Variants in CRTC3 observed in about 807,000 individuals in gnomAD.
The protein encoded by CRTC3 is CREB-regulated transcription coactivator 3.
Under a neutral mutation model 74.5 loss-of-function variants are expected in CRTC3, and 26 were observed. The ratio of observed to expected loss-of-function variants is 0.35; its 90% CI spans 0.26 to 0.48. CRTC3 has a LOEUF of 0.48. CRTC3 is among the 20% of genes least tolerant of loss of function. The pLI is 0.99. For missense variants in CRTC3, 760 were observed against 787.3 expected (o/e 0.97, Z 0.41); for synonymous variants, 377 against 325.8 (o/e 1.16, Z -1.69).
At chr15:90,540,809 A>G (rs1012567192) in intron 2 of CRTC3, among the ~76,000 whole-genome samples, 17 of 152,158 alleles carry the variant, frequency 1.1e-4, no homozygotes, top group South Asian at 2.1e-4. Context: ...ATTTAATCCA[A>G]TATATCCAAA....
In CRTC3 at chr15:90,612,037, T is replaced by TCCG. The variant is rs1567184074; in HGVS notation, c.578-2414_578-2413insGCC. 2.6e-5 allele frequency among the ~76,000 whole-genome samples: 3 copies of TCCG among 117,200 alleles called. No individual in the cohort carries two copies. In the East Asian group the frequency reaches 8.7e-4, roughly 34 times the overall value. The allele number at this position is 117,200 out of a possible 152,430, so 76.9% of individuals were successfully genotyped here. On this transcript the variant is annotated intron_variant, in intron 6 of 14. Coordinates refer to ENST00000268184, the MANE Select transcript of CRTC3 (RefSeq NM_022769.5). The stretch of plus-strand genomic sequence containing the variant: ...CCCAACCACCCCCCACTCCTCCTCC[T>TCCG]CCTCCTCCTCCTCCTCCTCCGCCTC...
intron 9 of CRTC3, among the ~76,000 whole-genome samples, chr15:90,621,005 T>C (rs78299792): frequency 0.021 from 3,215 of 152,226 alleles, 125 homozygotes; most frequent in African/African-American, 0.073. Context: ...GGTTGATGTT[T>C]GCTTCAGAAA....
chr15:90,603,468 A>G (rs1043114799), intron 4 of CRTC3, among the ~76,000 whole-genome samples: 1 of 152,136 alleles, frequency 6.6e-6, no homozygotes, highest in Non-Finnish European at 1.5e-5. Context: ...AAAAATAAGC[A>G]TCTTTTCTCA....
chr15:90,597,693 C>A (rs1163793301), intron 3 of CRTC3: 4 of 152,172 alleles, frequency 2.6e-5, no homozygotes, highest in Non-Finnish European at 5.9e-5. Context: ...CTTAAGTGAT[C>A]ACAAAATCCA....
chr15:90,587,085 G>A (rs1967682441), intron 2 of CRTC3, among the ~76,000 whole-genome samples: 1 of 152,070 alleles, frequency 6.6e-6, no homozygotes, highest in African/African-American at 2.4e-5. Flanking sequence ...TGCAAATGTA[G>A]GTCACATTGA....
At chr15:90,589,558 CTGTGT>C (rs369924321) in intron 2 of CRTC3, among the ~76,000 whole-genome samples, 38 of 152,322 alleles carry the variant, frequency 2.5e-4, no homozygotes, top group African/African-American at 9.1e-4. Context: ...GGGTCTCACA[CTGTGT>C]TGTCCAGGCT....
intron 7 of CRTC3, among the ~76,000 whole-genome samples, chr15:90,616,409 A>T (rs547779766): frequency 1.1e-4 from 16 of 152,228 alleles, no homozygotes; most frequent in Non-Finnish European, 2.2e-4. Context: ...AGATAAACTT[A>T]TTTTAGAGTT....
chr15:90,602,058 G>A (rs1968084238), intron 3 of CRTC3, among the ~76,000 whole-genome samples: 1 of 152,132 alleles, frequency 6.6e-6, no homozygotes, highest in African/African-American at 2.4e-5. Flanking sequence ...GAGCAAGAGT[G>A]GAGACAGTTC....
chr15:90,631,600 C>T (rs987816218), intron 11 of CRTC3, among the ~76,000 whole-genome samples: 5 of 151,834 alleles, frequency 3.3e-5, no homozygotes, highest in East Asian at 1.9e-4. Flanking sequence ...TGGTGGCACA[C>T]GCCTGTAATC....
intron 1 of CRTC3, among the ~76,000 whole-genome samples, chr15:90,535,190 C>T (rs1966698775): frequency 6.6e-6 from 1 of 151,086 alleles, no homozygotes; most frequent in Admixed American, 6.6e-5. Context: ...AGAAAGTGAA[C>T]CATGAGGAGG....
At chr15:90,592,687 C>A (rs1967828296) in intron 2 of CRTC3, among the ~76,000 whole-genome samples, 1 of 152,284 alleles carries the variant, frequency 6.6e-6, no homozygotes, top group Middle Eastern at 3.4e-3. Flanking sequence ...ACATAGCATT[C>A]CTTTTTTCCT....
intron 11 of CRTC3, among the ~76,000 whole-genome samples, chr15:90,637,373 G>A (rs1969277774): frequency 6.6e-6 from 1 of 152,154 alleles, no homozygotes; most frequent in Non-Finnish European, 1.5e-5. Context: ...ATGGACACAG[G>A]AAGGGGAACA....
intron 9 of CRTC3, among the ~76,000 whole-genome samples, chr15:90,623,779 C>G: frequency 6.6e-6 from 1 of 152,216 alleles, no homozygotes; most frequent in African/African-American, 2.4e-5. Context: ...CTCGGGTGCT[C>G]TCTACCTGCT....
At chr15:90,542,264 C>T (rs1966815540) in intron 2 of CRTC3, among the ~76,000 whole-genome samples, 1 of 151,634 alleles carries the variant, frequency 6.6e-6, no homozygotes, top group African/African-American at 2.4e-5. Flanking sequence ...CTGCAACTTC[C>T]AGCTCCTGAG....
intron 2 of CRTC3, among the ~76,000 whole-genome samples, chr15:90,541,782 C>CTTTTTTTTTTTTTTTTTTTTTTT (rs11426969): frequency 3.3e-5 from 4 of 120,100 alleles, no homozygotes; most frequent in South Asian, 2.6e-4. Flanking sequence ...TCCCAGGATT[C>CTTTTTTTTTTTTTTTTTTTTTTT]TTTTTTTCTT....
At chr15:90,539,281 G>A (rs1195780974) in intron 1 of CRTC3, among the ~76,000 whole-genome samples, 1 of 152,106 alleles carries the variant, frequency 6.6e-6, no homozygotes, top group East Asian at 1.9e-4. Context: ...AATGAAGTAA[G>A]GAAGAACTTA....
intron 2 of CRTC3, among the ~76,000 whole-genome samples, chr15:90,574,636 C>A (rs1038172634): frequency 2.6e-5 from 4 of 152,108 alleles, no homozygotes; most frequent in Non-Finnish European, 5.9e-5. Context: ...GTCAGTTCAC[C>A]CTCCCTAGAA....
intron 10 of CRTC3, among the ~76,000 whole-genome samples, chr15:90,626,611 C>CTTTTTTTTTTTTTTT (rs922457681): frequency 1.0e-4 from 14 of 133,420 alleles, no homozygotes; most frequent in African/African-American, 4.1e-4. Flanking sequence ...AAGCCTGACA[C>CTTTTTTTTTTTTTTT]TTTTTTTTTT....
intron 2 of CRTC3, among the ~76,000 whole-genome samples, chr15:90,554,424 A>T (rs2077320425): frequency 6.6e-6 from 1 of 152,140 alleles, no homozygotes; most frequent in Non-Finnish European, 1.5e-5. Flanking sequence ...GCTAGTCTCG[A>T]TCTCCTGACC....
Sources: gnomAD v4.1 joint callset for allele counts (sites outside exome capture counted in the v4.1 genomes callset) on GRCh38, gnomAD v4.1.1 for gene constraint, MANE v1.5 for transcripts, NCBI Gene and HGNC (gene_info 2026-07-23, HGNC 2026-07-21) for gene names.